ADAMTS14: variants seen among roughly 807,000 people sequenced by gnomAD.
ADAMTS14 encodes the protein A disintegrin and metalloproteinase with thrombospondin motifs 14.
Under a neutral mutation model 128.6 loss-of-function variants are expected in ADAMTS14, and 100 were observed. The ratio of observed to expected loss-of-function variants is 0.78; its 90% CI spans 0.66 to 0.92. The LOEUF (loss-of-function observed/expected upper bound fraction) is 0.92. Among genes scored for constraint, ADAMTS14 ranks in the 40% least tolerant of loss-of-function variants. The pLI, the probability that ADAMTS14 is intolerant of heterozygous loss-of-function variation, is 0.00. For missense variants in ADAMTS14, 1,562 were observed against 1,658.6 expected, an observed-to-expected ratio of 0.94 and a Z score of 1.01; for synonymous variants, 665 against 653.8, an observed-to-expected ratio of 1.02 and a Z score of -0.26.
chr10:70,760,082 T>C (rs1013726875), intron 21 of ADAMTS14, among the ~76,000 whole-genome samples: 1 of 136,294 alleles, frequency 7.3e-6, no homozygotes, highest in African/African-American at 2.8e-5. Context: ...GGATGTGCAT[T>C]GCCAGCAAGC....
intron 2 of ADAMTS14, among the ~76,000 whole-genome samples, chr10:70,692,389 TGA>T (rs946867125): frequency 3.3e-5 from 5 of 152,224 alleles, no homozygotes; most frequent in Admixed American, 6.5e-5. Flanking sequence ...AATCTGAGGC[TGA>T]GAGAGGGCTG....
Position 70,688,892 on chromosome 10 carries a change from G to A in ADAMTS14, c.523-13420G>A, listed in dbSNP as rs777962779. The stretch of plus-strand genomic sequence containing the variant: ...GGGAGGGGGAGGGGGAGGGGGAGGG[G>A]GAGGGAGAGGGAGAGCCTTTGCTTT... On this transcript the variant is annotated intron_variant, in intron 2 of 21. Transcript: ENST00000373207. Among the ~76,000 whole-genome samples, 52 of 6,488 alleles carry A rather than the reference G, an allele frequency of 8.0e-3. 15 individuals are homozygous for A. Among genetic ancestry groups the A allele is most frequent in the African/African-American group, 0.019 (24 of 1,292 alleles). The allele number at this position is 6,488 out of a possible 152,430, so 4.3% of individuals were successfully genotyped here.
At chr10:70,731,496 C>T (rs578233692) in intron 6 of ADAMTS14, among the ~76,000 whole-genome samples, 54 of 152,350 alleles carry the variant, frequency 3.5e-4, no homozygotes, top group African/African-American at 1.3e-3. Flanking sequence ...ATTACCCCCA[C>T]CTTGGAGGCC....
intron 4 of ADAMTS14, among the ~76,000 whole-genome samples, chr10:70,729,025 C>T (rs1439843408): frequency 6.6e-6 from 1 of 152,184 alleles, no homozygotes; most frequent in African/African-American, 2.4e-5. Context: ...ACCAGGCCCT[C>T]TACAATGTGG....
chr10:70,704,675 ACG>A (rs1840602069), intron 3 of ADAMTS14, among the ~76,000 whole-genome samples: 3 of 143,020 alleles, frequency 2.1e-5, no homozygotes, highest in Admixed American at 7.2e-5. Context: ...ACACAAACAC[ACG>A]CTCACAAACA....
chr10:70,757,864 C>T (rs527815160), intron 19 of ADAMTS14, 98 bp from the exon 20 acceptor site: 27 of 1,488,230 alleles, frequency 1.8e-5, no homozygotes, highest in East Asian at 1.6e-4. Context: ...TTTCTGTCCC[C>T]GGGCACTGGC....
At chr10:70,708,293 G>A (rs1381340951) in intron 3 of ADAMTS14, among the ~76,000 whole-genome samples, 2 of 152,160 alleles carry the variant, frequency 1.3e-5, no homozygotes, top group East Asian at 3.9e-4. Context: ...GAGGGATTGG[G>A]CCTGGGACGC....
chr10:70,732,225 T>C (rs779441970), intron 6 of ADAMTS14, 29 bp from the exon 7 acceptor site: 1 of 1,603,220 alleles, frequency 6.2e-7, no homozygotes, highest in Non-Finnish European at 8.5e-7. Flanking sequence ...TCCACCTCGC[T>C]CTCCACCTTT....
At chr10:70,693,576 C>T (rs1079351) in intron 2 of ADAMTS14, among the ~76,000 whole-genome samples, 1 of 152,074 alleles carries the variant, frequency 6.6e-6, no homozygotes, top group Admixed American at 6.5e-5. Context: ...TCCTGAAGCA[C>T]AATGATGTTA....
chr10:70,716,328 G>A (rs1259665973), intron 4 of ADAMTS14, among the ~76,000 whole-genome samples: 1 of 152,238 alleles, frequency 6.6e-6, no homozygotes, highest in Admixed American at 6.5e-5. Context: ...TCCCCTGAGG[G>A]AAGCCCAGTT....
At chr10:70,712,141 TCA>T (rs977297654) in intron 4 of ADAMTS14, among the ~76,000 whole-genome samples, 26 of 151,708 alleles carry the variant, frequency 1.7e-4, no homozygotes, top group African/African-American at 6.3e-4. Context: ...ACTCTGCAAA[TCA>T]CAGGCCCAGC....
At chr10:70,746,439 C>T (rs144561699) in intron 15 of ADAMTS14, among the ~76,000 whole-genome samples, 269 of 152,268 alleles carry the variant, frequency 1.8e-3, no homozygotes, top group African/African-American at 6.2e-3. Flanking sequence ...AGAGGCATGA[C>T]GGCTAATGGG....
At chr10:70,680,098 A>T (rs1490929780) in intron 2 of ADAMTS14, among the ~76,000 whole-genome samples, 1 of 152,224 alleles carries the variant, frequency 6.6e-6, no homozygotes, top group African/African-American at 2.4e-5. Context: ...ATGGTATGTT[A>T]TATCTCAATA....
chr10:70,758,966 A>G (rs2132761984), intron 21 of ADAMTS14, among the ~76,000 whole-genome samples: 1 of 152,096 alleles, frequency 6.6e-6, no homozygotes, highest in Middle Eastern at 3.4e-3. Context: ...CCTCCCTAGG[A>G]CCAGGGTCTG....
At chr10:70,688,843 C>CGGAGGGAGAG (rs1840081096) in intron 2 of ADAMTS14, among the ~76,000 whole-genome samples, 1 of 4,174 alleles carries the variant, frequency 2.4e-4, no homozygotes, top group Admixed American at 3.7e-3. Context: ...AGAGGGAGAC[C>CGGAGGGAGAG]GGAGGGGGAG....
intron 4 of ADAMTS14, among the ~76,000 whole-genome samples, chr10:70,715,777 G>A (rs937909543): frequency 2.6e-5 from 4 of 152,160 alleles, no homozygotes; most frequent in East Asian, 1.9e-4. Context: ...GGCCTGAAAC[G>A]TGATGCATTC....
chr10:70,709,505 T>TTG (rs1840774476), intron 4 of ADAMTS14, among the ~76,000 whole-genome samples: 1 of 139,066 alleles, frequency 7.2e-6, no homozygotes, highest in East Asian at 2.1e-4. Context: ...GTTTTTTTTT[T>TTG]TTTTTTTTTT....
intron 15 of ADAMTS14, among the ~76,000 whole-genome samples, chr10:70,747,973 G>A (rs541763451): frequency 6.6e-6 from 1 of 152,116 alleles, no homozygotes; most frequent in African/African-American, 2.4e-5. Flanking sequence ...TGAAGGGAGA[G>A]GCTCTGTCCA....
chr10:70,700,471 T>C (rs965393548), intron 2 of ADAMTS14, among the ~76,000 whole-genome samples: 12 of 152,160 alleles, frequency 7.9e-5, no homozygotes, highest in African/African-American at 2.9e-4. Context: ...TCCTTGTCTC[T>C]GGTGGCAGAG....
Sources: gnomAD v4.1 joint callset for allele counts (sites outside exome capture counted in the v4.1 genomes callset) on GRCh38, gnomAD v4.1.1 for gene constraint, MANE v1.5 for transcripts, NCBI Gene and HGNC (gene_info 2026-07-23, HGNC 2026-07-21) for gene names.